Variants in TRPM3 observed in about 807,000 individuals in gnomAD.
The protein encoded by TRPM3 is long transient receptor potential channel 3.
Under a neutral mutation model 181.2 loss-of-function variants are expected in TRPM3, and 77 were observed. That is an observed-to-expected ratio of 0.42 (90% CI 0.35 to 0.51). The LOEUF is 0.51. TRPM3 is among the 20% of genes least tolerant of loss of function. TRPM3 has a pLI of 0.01. For missense variants in TRPM3, 1,759 were observed against 2,196.7 expected, an observed-to-expected ratio of 0.80 and a Z score of 3.98; for synonymous variants, 745 against 796.4, an observed-to-expected ratio of 0.94 and a Z score of 1.09.
intron 1 of TRPM3, among the ~76,000 whole-genome samples, chr9:71,047,743 G>A (rs1488423441): frequency 2.0e-5 from 3 of 151,334 alleles, no homozygotes; most frequent in South Asian, 2.1e-4. Flanking sequence ...CTACAAAACT[G>A]TAAGTAGGTA....
intron 1 of TRPM3, among the ~76,000 whole-genome samples, chr9:71,386,704 G>T (rs2092932248): frequency 6.6e-6 from 1 of 152,088 alleles, no homozygotes; most frequent in East Asian, 1.9e-4. Flanking sequence ...CACTAAACCA[G>T]TTATTATATA....
At chr9:71,420,779 G>GAGAGAA (rs2093731654) in intron 1 of TRPM3, among the ~76,000 whole-genome samples, 1 of 85,554 alleles carries the variant, frequency 1.2e-5, no homozygotes, top group Admixed American at 1.1e-4. Flanking sequence ...GAGAGAGAAA[G>GAGAGAA]AGAGAGAAAG....
rs114174864 is a variant in TRPM3 at position 70,553,977 on chromosome 9, C to T, written c.3224-667G>A. 3.0e-3 allele frequency among the ~76,000 whole-genome samples: 453 copies of T among 151,942 alleles called. 3 individuals are homozygous for T. The highest frequency in any genetic ancestry group is 0.01 in the African/African-American group (426 of 41,406). On this transcript the variant is annotated intron_variant, in intron 22 of 25. Coordinates refer to ENST00000677713, the MANE Select transcript of TRPM3 (RefSeq NM_001366145.2). ...GTGATCATGGAGCTCATAGCCACAC[C>T]TGTTCTTCCAGCAGCATTTCCATTC...
intron 1 of TRPM3, among the ~76,000 whole-genome samples, chr9:71,246,246 T>C (rs147029890): frequency 1.1e-3 from 160 of 152,350 alleles, no homozygotes; most frequent in African/African-American, 3.8e-3. Context: ...CAGGGCTTTT[T>C]AAGTGATTTT....
chr9:71,010,421 A>G lies in TRPM3; in HGVS notation c.177+110757T>C, dbSNP rs1340972132. On this transcript the variant is annotated intron_variant, in intron 1 of 25. Coordinates refer to ENST00000677713, the MANE Select transcript of TRPM3 (RefSeq NM_001366145.2). ...ACAAAAAAACAAAACAACAACAACAAAAAACTCCAAATAATCCATTTGAAA... is the reference window on the plus strand; with the variant it reads ...ACAAAAAAACAAAACAACAACAACAGAAAACTCCAAATAATCCATTTGAAA... Among the ~76,000 whole-genome samples the G allele has an allele frequency of 3.9e-5, 6 of 152,066 alleles. No individual in the cohort carries two copies. In the East Asian group the frequency reaches 1.2e-3, roughly 29 times the overall value.
intron 1 of TRPM3, among the ~76,000 whole-genome samples, chr9:70,938,969 TAAAAATA>T (rs1256762485): frequency 4.0e-5 from 6 of 149,700 alleles, no homozygotes; most frequent in Non-Finnish European, 7.4e-5. Context: ...AAAAAAAAAA[TAAAAATA>T]AAAAATAAAA....
intron 1 of TRPM3, among the ~76,000 whole-genome samples, chr9:70,940,436 G>A (rs2096874709): frequency 6.6e-6 from 1 of 152,120 alleles, no homozygotes; most frequent in African/African-American, 2.4e-5. Context: ...TCAAGAAAGT[G>A]GCTCTTTCAA....
intron 1 of TRPM3, among the ~76,000 whole-genome samples, chr9:71,421,186 G>A (rs117752594): frequency 0.018 from 2,692 of 151,860 alleles, 25 homozygotes; most frequent in Non-Finnish European, 0.027. Context: ...ATAAAGATAG[G>A]AAAAATAGGC....
intron 1 of TRPM3, among the ~76,000 whole-genome samples, chr9:71,077,982 C>A (rs1247276293): frequency 6.7e-6 from 1 of 149,616 alleles, no homozygotes; most frequent in East Asian, 2.0e-4. Flanking sequence ...TGGTGTACAG[C>A]TGGCTGGAGT....
Position 70,603,329 on chromosome 9 carries a change from T to TA in TRPM3, c.2796+12dup, listed in dbSNP as rs773979525. On this transcript the variant is annotated intron_variant, in intron 20 of 25. Coordinates refer to ENST00000677713, the MANE Select transcript of TRPM3 (RefSeq NM_001366145.2). ...TGTCTTTCTCTTACGTTTTCTTTTA[T>TA]AAAAGCCGTTACCTCTCTCATCTTT... 1 of 1,609,348 alleles carries TA rather than the reference T, an allele frequency of 6.2e-7. No individual in the cohort carries two copies. The highest frequency in any genetic ancestry group is 1.7e-5 in the Admixed American group (1 of 59,182).
At chr9:71,143,969 T>C (rs1354407553) in intron 1 of TRPM3, among the ~76,000 whole-genome samples, 1 of 152,196 alleles carries the variant, frequency 6.6e-6, no homozygotes, top group African/African-American at 2.4e-5. Flanking sequence ...ATATGATTGT[T>C]GGCCACATAT....
At chr9:71,128,045 G>A (rs1471192971) in intron 1 of TRPM3, among the ~76,000 whole-genome samples, 2 of 152,164 alleles carry the variant, frequency 1.3e-5, no homozygotes, top group Admixed American at 1.3e-4. Context: ...TCTAGGAAAA[G>A]CAAAGCAAAA....
At chr9:70,781,021 AG>A (rs2082330055) in intron 7 of TRPM3, among the ~76,000 whole-genome samples, 1 of 152,132 alleles carries the variant, frequency 6.6e-6, no homozygotes, top group African/African-American at 2.4e-5. Context: ...TGCTAATTAA[AG>A]TTAAAAGAGG....
At chr9:70,830,664 G>A (rs2093832759) in intron 5 of TRPM3, among the ~76,000 whole-genome samples, 1 of 152,210 alleles carries the variant, frequency 6.6e-6, no homozygotes, top group African/African-American at 2.4e-5. Flanking sequence ...GTGCTGAATC[G>A]TGGAATAATT....
chr9:71,071,664 A>G (rs1162239757), intron 1 of TRPM3, among the ~76,000 whole-genome samples: 2 of 152,196 alleles, frequency 1.3e-5, no homozygotes, highest in East Asian at 3.8e-4. Flanking sequence ...TTGGTAGTAG[A>G]GTGATTAGAG....
Position 71,043,499 on chromosome 9 carries a change from G to A in TRPM3, c.177+77679C>T, listed in dbSNP as rs553327614. On this transcript the variant is annotated intron_variant, in intron 1 of 25. Transcript: ENST00000677713. The stretch of plus-strand genomic sequence containing the variant: ...TGGGTACAATAGGAAGGAAAACTAG[G>A]ACCCAGAACTACAGCTTTTTCTCAT... Among the ~76,000 whole-genome samples the A allele has an allele frequency of 1.8e-4, 27 of 152,222 alleles. No individual in the cohort carries two copies. The South Asian group carries it at 5.6e-3, about 32-fold the overall frequency.
chr9:70,606,735 T>TTAAG lies in TRPM3; in HGVS notation c.2668-3269_2668-3266dup, dbSNP rs199740771. On this transcript the variant is annotated intron_variant, in intron 19 of 25. Transcript: ENST00000677713. Reference sequence around the variant, plus strand: ...AAGCTTTTGAACCTGTGAGTCTTATTTAAGTAAGTCAGTAGGAGAACTCTA... The same window carrying TTAAG: ...AAGCTTTTGAACCTGTGAGTCTTATTTAAGTAAGTAAGTCAGTAGGAGAACTCTA... Among the ~76,000 whole-genome samples the TTAAG allele has an allele frequency of 5.0e-3, 755 of 152,102 alleles. 4 individuals are homozygous for TTAAG. The highest frequency in any genetic ancestry group is 0.014 in the African/African-American group (597 of 41,464).
At chr9:70,880,761 A>G in intron 1 of TRPM3, among the ~76,000 whole-genome samples, 1 of 152,116 alleles carries the variant, frequency 6.6e-6, no homozygotes, top group East Asian at 1.9e-4. Context: ...CAGTGTTACT[A>G]TCAACTTGAG....
At chr9:70,776,289 T>C in intron 7 of TRPM3, 3 of 568,262 alleles carry the variant, frequency 5.3e-6, no homozygotes, top group Non-Finnish European at 6.3e-6. Flanking sequence ...CTTTAAAGGC[T>C]GTTCATTCCA....
Sources: allele counts gnomAD v4.1 joint callset (sites outside exome capture counted in the v4.1 genomes callset), GRCh38; gene constraint gnomAD v4.1.1; transcripts MANE v1.5; gene names NCBI Gene and HGNC (gene_info 2026-07-23, HGNC 2026-07-21).